KLHL3: variants seen among roughly 807,000 people sequenced by gnomAD.
The protein encoded by KLHL3 is kelch-like protein 3.
In KLHL3, 19 loss-of-function variants were observed where a neutral mutation model predicts 70.5. The observed-to-expected ratio is 0.27, with a 90% confidence interval of 0.19 to 0.40. The LOEUF is 0.40. Among genes scored for constraint, KLHL3 ranks in the 10% least tolerant of loss-of-function variants. The probability of loss-of-function intolerance (pLI) is 1.00; values close to 1 mark genes in which losing one functional copy is unlikely to be tolerated. For missense variants in KLHL3, 512 were observed against 771.1 expected (o/e 0.66, Z 3.98); for synonymous variants, 258 against 290.3 (o/e 0.89, Z 1.13).
chr5:137,648,113 T>C (rs564385466), intron 8 of KLHL3, among the ~76,000 whole-genome samples: 1 of 152,206 alleles, frequency 6.6e-6, no homozygotes, highest in Non-Finnish European at 1.5e-5. Context: ...CAATGAAAGG[T>C]AGAAAAGGAT....
chr5:137,699,011 A>G (rs1371282389), intron 3 of KLHL3, among the ~76,000 whole-genome samples: 1 of 152,196 alleles, frequency 6.6e-6, no homozygotes, highest in Non-Finnish European at 1.5e-5. Context: ...CATTTTGCCC[A>G]CAGTCACACA....
Position 137,698,418 on chromosome 5 carries a change from A to G in KLHL3, c.242-10T>C. On this transcript the variant is annotated splice_polypyrimidine_tract_variant and intron_variant, in intron 3 of 14. Coordinates refer to ENST00000309755, the MANE Select transcript of KLHL3 (RefSeq NM_017415.3). ...CTCTCAGACATGTCACCTAGAGTTT[A>G]CAACAAAAACAAAATGACATAAATG... The G allele has an allele frequency of 1.9e-6, 3 of 1,614,014 alleles. No homozygotes were observed. The highest frequency in any genetic ancestry group is 2.5e-6 in the Non-Finnish European group (3 of 1,179,992).
chr5:137,731,687 C>G (rs574132568), intron 1 of KLHL3, among the ~76,000 whole-genome samples: 2 of 152,118 alleles, frequency 1.3e-5, no homozygotes, highest in East Asian at 1.9e-4. Flanking sequence ...TACATGGTGC[C>G]CCTCTCAAGC....
chr5:137,630,128 G>A (rs1580717259), intron 12 of KLHL3, among the ~76,000 whole-genome samples: 1 of 152,308 alleles, frequency 6.6e-6, no homozygotes, highest in African/African-American at 2.4e-5. Context: ...AACTCCAGAG[G>A]TGAGACTTGC....
Position 137,677,673 on chromosome 5 carries a change from AAAG to A in KLHL3, c.527-22_527-20del, listed in dbSNP as rs747205416. ...TGCTGCTCTGTTCCAAAAAAAAAAA[AAAG>A]AAGTTAAGAAAACAAAGTTGTAACA... On this transcript the variant is annotated intron_variant, in intron 5 of 14. Transcript: ENST00000309755. The A allele has an allele frequency of 3.3e-6, 5 of 1,492,672 alleles. No homozygotes were observed. The highest frequency in any genetic ancestry group is 1.2e-5 in the South Asian group (1 of 80,372). The allele number at this position is 1,492,672 out of a possible 1,614,324, so 92.5% of individuals were successfully genotyped here. A position where few individuals can be genotyped will look rare whatever the true frequency, so the allele number is the denominator to read the frequency against.
intron 3 of KLHL3, among the ~76,000 whole-genome samples, chr5:137,709,075 C>T (rs1561615657): frequency 6.6e-6 from 1 of 152,198 alleles, no homozygotes. Context: ...AATCTCAGAA[C>T]TAACAGATGG....
intron 2 of KLHL3, among the ~76,000 whole-genome samples, chr5:137,712,155 TCAAAAAAAAA>T (rs1752805104): frequency 1.7e-5 from 1 of 57,390 alleles, no homozygotes; most frequent in Admixed American, 2.2e-4. Context: ...CAAGATTCTG[TCAAAAAAAAA>T]AAAAAAAAAA....
intron 1 of KLHL3, among the ~76,000 whole-genome samples, chr5:137,733,397 TA>T (rs1231386264): frequency 6.6e-6 from 1 of 152,200 alleles, no homozygotes; most frequent in Non-Finnish European, 1.5e-5. Context: ...AATCAGCTAA[TA>T]ACTATTCAGC....
chr5:137,649,978 A>C (rs950177734), intron 8 of KLHL3, among the ~76,000 whole-genome samples: 2 of 152,244 alleles, frequency 1.3e-5, no homozygotes, highest in African/African-American at 4.8e-5. Context: ...CTCCAACATT[A>C]AAGCCTCCAG....
intron 3 of KLHL3, among the ~76,000 whole-genome samples, chr5:137,706,753 G>T (rs538045866): frequency 7.2e-5 from 11 of 152,240 alleles, no homozygotes; most frequent in Admixed American, 2.6e-4. Context: ...TCATTGACAT[G>T]GAAAGATATT....
intron 1 of KLHL3, among the ~76,000 whole-genome samples, chr5:137,732,742 A>G (rs1753198779): frequency 2.0e-5 from 3 of 152,204 alleles, no homozygotes; most frequent in African/African-American, 4.8e-5. Flanking sequence ...AGCAACTACC[A>G]TCTACTGAGT....
At chr5:137,707,699 G>C (rs1053036375) in intron 3 of KLHL3, 2 of 154,276 alleles carry the variant, frequency 1.3e-5, no homozygotes, top group Non-Finnish European at 2.9e-5. Context: ...TGGAAGGCTT[G>C]GGCTGGGCAT....
intron 8 of KLHL3, among the ~76,000 whole-genome samples, chr5:137,657,160 A>G (rs1284964249): frequency 6.6e-6 from 1 of 152,186 alleles, no homozygotes; most frequent in Non-Finnish European, 1.5e-5. Context: ...TTGGAAAACA[A>G]CATGCCTCTA....
chr5:137,631,050 A>C (rs1750621980), intron 12 of KLHL3, among the ~76,000 whole-genome samples: 1 of 145,976 alleles, frequency 6.9e-6, no homozygotes, highest in Non-Finnish European at 1.5e-5. Flanking sequence ...ACGAGATCAC[A>C]ACTCAATCTC....
In KLHL3 at chr5:137,663,428, G is replaced by A. The variant is rs1751535893; in HGVS notation, c.637-1397C>T. Reference sequence around the variant, plus strand: ...ATGCTCAAGTCCCTTATATAAAATGGCATAGTATTTGCACATAACCTCCGC... The same window carrying A: ...ATGCTCAAGTCCCTTATATAAAATGACATAGTATTTGCACATAACCTCCGC... On this transcript the variant is annotated intron_variant, in intron 6 of 14. Coordinates refer to ENST00000309755, the MANE Select transcript of KLHL3 (RefSeq NM_017415.3). 2.0e-5 allele frequency among the ~76,000 whole-genome samples: 3 copies of A among 151,784 alleles called. No individual in the cohort carries two copies. In the South Asian group the frequency reaches 6.2e-4, roughly 32 times the overall value.
chr5:137,651,508 C>T (rs1751200506), intron 8 of KLHL3, among the ~76,000 whole-genome samples: 1 of 152,130 alleles, frequency 6.6e-6, no homozygotes, highest in African/African-American at 2.4e-5. Flanking sequence ...ATAGATCTAA[C>T]AAAAGACATG....
intron 1 of KLHL3, among the ~76,000 whole-genome samples, chr5:137,728,874 G>C (rs1753126581): frequency 1.3e-5 from 2 of 151,704 alleles, no homozygotes; most frequent in African/African-American, 4.8e-5. Flanking sequence ...AATAACTATT[G>C]GCTACCTGGG....
intron 14 of KLHL3, among the ~76,000 whole-genome samples, chr5:137,624,888 C>T (rs1466583393): frequency 1.3e-5 from 2 of 152,170 alleles, no homozygotes; most frequent in African/African-American, 4.8e-5. Flanking sequence ...TCACCAAACC[C>T]CTCACACACA....
At chr5:137,670,380 T>C (rs1333100816) in intron 6 of KLHL3, among the ~76,000 whole-genome samples, 1 of 151,530 alleles carries the variant, frequency 6.6e-6, no homozygotes, top group Non-Finnish European at 1.5e-5. Flanking sequence ...ATATCAAAGA[T>C]GCAAAAAATA....
Sources: gnomAD v4.1 joint callset for allele counts (sites outside exome capture counted in the v4.1 genomes callset) on GRCh38, gnomAD v4.1.1 for gene constraint, MANE v1.5 for transcripts, NCBI Gene and HGNC (gene_info 2026-07-23, HGNC 2026-07-21) for gene names.